Variants in VDR observed in about 807,000 individuals in gnomAD.
The protein encoded by VDR is vitamin D receptor, also known as vitamin D3 receptor.
VDR carries 19 observed loss-of-function variants against 39.7 expected under a neutral mutation model. The ratio of observed to expected loss-of-function variants is 0.48; its 90% CI spans 0.33 to 0.70. The LOEUF is 0.70. Ranked by LOEUF, VDR falls within the 30% of genes least tolerant of loss-of-function variation. The pLI is 0.02. For synonymous variants in VDR, 242 were observed against 215.8 expected, an observed-to-expected ratio of 1.12 and a Z score of -1.07; for missense variants, 442 against 570.5, an observed-to-expected ratio of 0.77 and a Z score of 2.29.
At chr12:47,902,550 A>G (rs149987732) in intron 1 of VDR, among the ~76,000 whole-genome samples, 149 of 152,300 alleles carry the variant, frequency 9.8e-4, no homozygotes, top group African/African-American at 3.5e-3. Flanking sequence ...TCAATTCCTT[A>G]TTTCCCTCTA....
At chr12:47,882,485 A>G (rs1946169788) in intron 2 of VDR, among the ~76,000 whole-genome samples, 1 of 152,042 alleles carries the variant, frequency 6.6e-6, no homozygotes, top group South Asian at 2.1e-4. Flanking sequence ...AGCAAGCCCC[A>G]TCTCCTGAGC....
At chr12:47,881,361 G>C (rs574701346) in intron 2 of VDR, among the ~76,000 whole-genome samples, 2 of 152,164 alleles carry the variant, frequency 1.3e-5, no homozygotes, top group Admixed American at 6.5e-5. Flanking sequence ...AGGGGCAGGG[G>C]CTGAAAAACA....
chr12:47,888,315 G>A (rs915194464), intron 1 of VDR, among the ~76,000 whole-genome samples: 7 of 152,074 alleles, frequency 4.6e-5, no homozygotes, highest in Non-Finnish European at 8.8e-5. Context: ...CGGTGGGGAC[G>A]CAGCCAAACC....
At chr12:47,865,808 G>A (rs550853634) in intron 3 of VDR, among the ~76,000 whole-genome samples, 2 of 150,812 alleles carry the variant, frequency 1.3e-5, no homozygotes, top group Non-Finnish European at 2.9e-5. Flanking sequence ...CACCTCCCGG[G>A]TTCACACCAT....
At chr12:47,893,932 C>A (rs969232196) in intron 1 of VDR, among the ~76,000 whole-genome samples, 4 of 152,162 alleles carry the variant, frequency 2.6e-5, no homozygotes, top group Non-Finnish European at 4.4e-5. Context: ...TTGAAGATAA[C>A]CCTCTTGGTT....
intron 7 of VDR, among the ~76,000 whole-genome samples, chr12:47,848,399 C>G (rs574236093): frequency 7.2e-5 from 11 of 151,960 alleles, no homozygotes; most frequent in Non-Finnish European, 1.3e-4. Context: ...TTTTGTTTTT[C>G]TGGTCCTGAA....
chr12:47,845,075 A>AC, intron 9 of VDR, 70 bp from the exon 10 acceptor site: 2 of 1,589,112 alleles, frequency 1.3e-6, no homozygotes, highest in South Asian at 2.2e-5. Flanking sequence ...CAATCCCACC[A>AC]CCCCCCACCC....
chr12:47,853,183 C>T (rs1406258111), intron 7 of VDR, among the ~76,000 whole-genome samples: 4 of 152,304 alleles, frequency 2.6e-5, no homozygotes, highest in Admixed American at 1.3e-4. Flanking sequence ...TGGCTCATGC[C>T]TGTAATCCCA....
chr12:47,888,403 C>CA (rs1946301716), intron 1 of VDR, among the ~76,000 whole-genome samples: 1 of 152,196 alleles, frequency 6.6e-6, no homozygotes, highest in Non-Finnish European at 1.5e-5. Flanking sequence ...TGGGGAACTC[C>CA]AGCAGCTTCT....
intron 9 of VDR, among the ~76,000 whole-genome samples, chr12:47,845,882 C>A (rs536747326): frequency 6.6e-6 from 1 of 152,232 alleles, no homozygotes; most frequent in African/African-American, 2.4e-5. Flanking sequence ...CTCTAACCAG[C>A]GGAAGAGGTC....
At chr12:47,888,271 G>T (rs554782783) in intron 1 of VDR, among the ~76,000 whole-genome samples, 49 of 152,260 alleles carry the variant, frequency 3.2e-4, no homozygotes, top group African/African-American at 1.2e-3. Flanking sequence ...CACAACACGT[G>T]GGAATTCTGA....
chr12:47,859,909 C>CTTT (rs1945582465), intron 4 of VDR, among the ~76,000 whole-genome samples: 20 of 45,936 alleles, frequency 4.4e-4, no homozygotes, highest in African/African-American at 1.7e-3. Flanking sequence ...TTCCTTCCTT[C>CTTT]CTTCCTTCTT....
At chr12:47,849,568 G>A (rs1203344577) in intron 7 of VDR, among the ~76,000 whole-genome samples, 1 of 152,152 alleles carries the variant, frequency 6.6e-6, no homozygotes, top group Non-Finnish European at 1.5e-5. Flanking sequence ...CATAACTAAT[G>A]GAGTTTTTTA....
In VDR at chr12:47,845,051, G is replaced by A. The variant is rs547341263; in HGVS notation, c.1025-46C>T. 31 of 1,602,708 alleles carry A rather than the reference G, an allele frequency of 1.9e-5. No homozygotes were observed. The East Asian group carries it at 6.7e-4, about 35-fold the overall frequency. On this transcript the variant is annotated intron_variant, in intron 9 of 9. Coordinates refer to ENST00000549336, the MANE Select transcript of VDR (RefSeq NM_000376.3). ...AAGAAGGCACAGGAGCTCTCAGCTG[G>A]GCCCCTCACTGCTCAATCCCACCAC... is the stretch of plus-strand genomic sequence containing the variant.
intron 3 of VDR, among the ~76,000 whole-genome samples, chr12:47,878,447 A>G (rs763581143): frequency 6.6e-6 from 1 of 152,212 alleles, no homozygotes; most frequent in Non-Finnish European, 1.5e-5. Context: ...TGGATGTTCC[A>G]AGGTTGGCTT....
chr12:47,864,555 C>T (rs544613583), intron 4 of VDR, among the ~76,000 whole-genome samples: 3 of 152,322 alleles, frequency 2.0e-5, no homozygotes, highest in African/African-American at 7.2e-5. Flanking sequence ...AACGTGGATG[C>T]CAACTATGCT....
chr12:47,903,239 G>C (rs1197009363), intron 1 of VDR, among the ~76,000 whole-genome samples: 1 of 151,808 alleles, frequency 6.6e-6, no homozygotes, highest in Admixed American at 6.5e-5. Context: ...AAAGCCATGG[G>C]ACCCAGCCAG....
At chr12:47,880,400 C>T (rs771878081) in intron 2 of VDR, among the ~76,000 whole-genome samples, 11 of 152,122 alleles carry the variant, frequency 7.2e-5, no homozygotes, top group Non-Finnish European at 1.5e-4. Flanking sequence ...CACCTTCATA[C>T]CACTTCATGG....
intron 1 of VDR, among the ~76,000 whole-genome samples, chr12:47,889,633 A>G (rs1020298837): frequency 6.6e-6 from 1 of 152,164 alleles, no homozygotes; most frequent in African/African-American, 2.4e-5. Context: ...CTTCCCAAGG[A>G]TATCTGCTAC....
Sources: gnomAD v4.1 joint callset for allele counts (sites outside exome capture counted in the v4.1 genomes callset) on GRCh38, gnomAD v4.1.1 for gene constraint, MANE v1.5 for transcripts, NCBI Gene and HGNC (gene_info 2026-07-23, HGNC 2026-07-21) for gene names.